Variants in TRABD2B observed in about 807,000 individuals in gnomAD.
TRABD2B encodes metalloprotease TIKI2.
Under a neutral mutation model 40.1 loss-of-function variants are expected in TRABD2B, and 14 were observed. The observed-to-expected ratio is 0.35, with a 90% CI of 0.23 to 0.55. The LOEUF (loss-of-function observed/expected upper bound fraction) is 0.55. TRABD2B is among the 20% of genes least tolerant of loss of function. The probability of loss-of-function intolerance (pLI) is 0.90; values close to 1 mark genes in which losing one functional copy is unlikely to be tolerated. For synonymous variants in TRABD2B, 263 were observed against 277.0 expected (o/e 0.95, Z 0.50); for missense variants, 541 against 648.6 (o/e 0.83, Z 1.80).
chr1:47,829,843 A>G (rs1570067776), intron 2 of TRABD2B, among the ~76,000 whole-genome samples: 1 of 152,196 alleles, frequency 6.6e-6, no homozygotes, highest in Admixed American at 6.5e-5. Flanking sequence ...CAGTTTTGTC[A>G]CTGAACACTG....
intron 6 of TRABD2B, among the ~76,000 whole-genome samples, chr1:47,771,833 G>A (rs2124010923): frequency 1.3e-5 from 2 of 152,294 alleles, no homozygotes; most frequent in Middle Eastern, 6.8e-3. Flanking sequence ...TTCCTCCAGT[G>A]TGTGTTTACA....
chr1:47,801,675 T>G, intron 2 of TRABD2B, 56 bp from the exon 3 acceptor site: 1 of 1,509,810 alleles, frequency 6.6e-7, no homozygotes, highest in Non-Finnish European at 8.9e-7. Flanking sequence ...CTGGCTGAGC[T>G]CTAGGACTGA....
chr1:47,876,956 T>C (rs904565167), intron 2 of TRABD2B, among the ~76,000 whole-genome samples: 2 of 152,164 alleles, frequency 1.3e-5, no homozygotes, highest in Non-Finnish European at 2.9e-5. Flanking sequence ...TCTATAATAG[T>C]AGCTAGTAAG....
chr1:47,940,820 G>T (rs767579281), intron 2 of TRABD2B, among the ~76,000 whole-genome samples: 1 of 152,230 alleles, frequency 6.6e-6, no homozygotes, highest in Non-Finnish European at 1.5e-5. Context: ...CAGTGTGGGG[G>T]AATCTCGAGA....
rs145372215 is a variant in TRABD2B, at chr1:47,824,663, C to T, written c.667-23044G>A. ...AGAGAAGACCTTTGTGGGAGAGAGG[C>T]CCCACAACCAAGAGGCTGAGAGCAG... On this transcript the variant is annotated intron_variant, in intron 2 of 6. Transcript: ENST00000606738. 5.9e-3 allele frequency among the ~76,000 whole-genome samples: 904 copies of T among 152,278 alleles called. 4 individuals are homozygous for T. Among genetic ancestry groups the T allele is most frequent in the Non-Finnish European group, 0.01 (695 of 68,018 alleles).
intron 2 of TRABD2B, among the ~76,000 whole-genome samples, chr1:47,887,126 G>A (rs1247980339): frequency 6.6e-6 from 1 of 152,142 alleles, no homozygotes; most frequent in Non-Finnish European, 1.5e-5. Flanking sequence ...TAAATCTAGT[G>A]ATAATAATTC....
chr1:47,800,811 C>T (rs747103444), intron 3 of TRABD2B, among the ~76,000 whole-genome samples: 16 of 152,064 alleles, frequency 1.1e-4, no homozygotes, highest in Non-Finnish European at 1.8e-4. Context: ...TGAACAAAGG[C>T]CCAGAAGCTT....
chr1:47,951,274 G>A (rs1356334941), intron 2 of TRABD2B, among the ~76,000 whole-genome samples: 1 of 152,388 alleles, frequency 6.6e-6, no homozygotes, highest in Admixed American at 6.5e-5. Context: ...CAACCAAGGG[G>A]CCAGGGCCAC....
intron 2 of TRABD2B, among the ~76,000 whole-genome samples, chr1:47,910,985 G>A (rs1306594861): frequency 6.6e-6 from 1 of 152,178 alleles, no homozygotes; most frequent in Non-Finnish European, 1.5e-5. Context: ...GAATGGCCAG[G>A]CAGAGGATGG....
intron 2 of TRABD2B, among the ~76,000 whole-genome samples, chr1:47,936,303 G>C (rs1645105732): frequency 6.6e-6 from 1 of 152,190 alleles, no homozygotes; most frequent in Admixed American, 6.5e-5. Context: ...CACCCTAAGA[G>C]CAGCCCTACA....
chr1:47,977,782 C>T (rs1441683422), intron 2 of TRABD2B, among the ~76,000 whole-genome samples: 2 of 151,810 alleles, frequency 1.3e-5, no homozygotes, highest in Admixed American at 1.3e-4. Flanking sequence ...AAAAGTATGC[C>T]TCTGGATTCT....
chr1:47,781,082 C>T (rs989087618), intron 4 of TRABD2B, among the ~76,000 whole-genome samples: 32 of 152,342 alleles, frequency 2.1e-4, no homozygotes, highest in African/African-American at 4.8e-4. Context: ...CCCGGCAGGG[C>T]GGGGTCATCC....
intron 6 of TRABD2B, 52 bp downstream of exon 6, chr1:47,775,118 A>G (rs1021688450): frequency 5.4e-5 from 66 of 1,231,914 alleles, no homozygotes; most frequent in African/African-American, 1.7e-4. Context: ...AGGGTATACT[A>G]TCCCGGGTGC....
intron 2 of TRABD2B, among the ~76,000 whole-genome samples, chr1:47,900,868 T>G (rs1644591482): frequency 6.6e-6 from 1 of 152,112 alleles, no homozygotes; most frequent in South Asian, 2.1e-4. Context: ...CATCCTGCTC[T>G]CTCAATCCAA....
At chr1:47,976,273 C>T (rs996472635) in intron 2 of TRABD2B, among the ~76,000 whole-genome samples, 16 of 152,216 alleles carry the variant, frequency 1.1e-4, no homozygotes, top group African/African-American at 3.9e-4. Flanking sequence ...ACCCCTTACA[C>T]ACTGGGAGGC....
chr1:47,943,265 G>A (rs867518588), intron 2 of TRABD2B, among the ~76,000 whole-genome samples: 2 of 152,180 alleles, frequency 1.3e-5, no homozygotes, highest in South Asian at 4.1e-4. Context: ...AATTTCACAT[G>A]TGTGTGAAAG....
At chr1:47,965,024 T>C (rs1169941667) in intron 2 of TRABD2B, among the ~76,000 whole-genome samples, 1 of 151,756 alleles carries the variant, frequency 6.6e-6, no homozygotes. Context: ...AATAAGTCTT[T>C]TTTGTTTAGA....
chr1:47,997,337 C>T lies in TRABD2B; in HGVS notation c.-548G>A. The T allele has an allele frequency of 2.4e-6, 1 of 422,494 alleles. No individual in the cohort carries two copies. Among genetic ancestry groups the T allele is most frequent in the Non-Finnish European group, 3.1e-6 (1 of 320,382 alleles). The allele number at this position is 422,494 out of a possible 1,614,324, so 26.2% of individuals were successfully genotyped here. On this transcript the variant is annotated 5_prime_UTR_variant, in exon 1 of 7. Coordinates refer to ENST00000606738, the MANE Select transcript of TRABD2B (RefSeq NM_001194986.2). ...GGGGCGGCGGGCGGCCGCGCGGCCG[C>T]TGCCCGGGCTCCGCCATGCTGCTCC...
chr1:47,987,969 C>G (rs1418316150), intron 2 of TRABD2B, among the ~76,000 whole-genome samples: 1 of 152,132 alleles, frequency 6.6e-6, no homozygotes, highest in Non-Finnish European at 1.5e-5. Flanking sequence ...GGTTGACTTC[C>G]TGGGAGAAAA....
Sources: gnomAD v4.1 joint callset for allele counts (sites outside exome capture counted in the v4.1 genomes callset) on GRCh38, gnomAD v4.1.1 for gene constraint, MANE v1.5 for transcripts, NCBI Gene and HGNC (gene_info 2026-07-23, HGNC 2026-07-21) for gene names.